Variants in SETDB1 observed in about 807,000 individuals in gnomAD.
The protein encoded by SETDB1 is histone-lysine N-methyltransferase SETDB1.
In SETDB1, 31 loss-of-function variants were observed where a neutral mutation model predicts 137.4. The ratio of observed to expected loss-of-function variants is 0.23; its 90% CI spans 0.17 to 0.30. SETDB1 has a LOEUF of 0.30. Among genes scored for constraint, SETDB1 ranks in the 10% least tolerant of loss-of-function variants. The pLI, the probability that SETDB1 is intolerant of heterozygous loss-of-function variation, is 1.00. For missense variants in SETDB1, 1,113 were observed against 1,631.5 expected (o/e 0.68, Z 5.47); for synonymous variants, 548 against 579.9 (o/e 0.95, Z 0.79).
At chr1:150,963,283 A>G (rs587775249) in intron 19 of SETDB1, 144 bp downstream of exon 19, 5 of 785,626 alleles carry the variant, frequency 6.4e-6, no homozygotes, top group Admixed American at 2.8e-5. Flanking sequence ...TCTGACTCCA[A>G]GCTAAACTAT....
At position 150,945,262 on chromosome 1, in the gene SETDB1, T is replaced by A; in HGVS notation, c.1140+154T>A. On this transcript the variant is annotated intron_variant, in intron 9 of 21. Coordinates refer to ENST00000692827, the MANE Select transcript of SETDB1 (RefSeq NM_001366418.1). ...TTTTTGGTCAAATTTTACTTTGCCC[T>A]TTTTGTTGTTCCTCTGCAGGTCATT... 3 of 1,463,192 alleles carry A rather than the reference T, an allele frequency of 2.1e-6. No individual in the cohort carries two copies. In the South Asian group the frequency reaches 4.4e-5, roughly 21 times the overall value. The allele number at this position is 1,463,192 out of a possible 1,614,324, so 90.6% of individuals were successfully genotyped here.
chr1:150,963,774 A>G, intron 20 of SETDB1, 33 bp downstream of exon 20: 3 of 1,594,472 alleles, frequency 1.9e-6, no homozygotes, highest in East Asian at 4.5e-5. Flanking sequence ...TAGATGCTGG[A>G]TTATCCCATG....
chr1:150,961,375 G>A (rs932504522), intron 16 of SETDB1, 184 bp downstream of exon 16: 12 of 633,858 alleles, frequency 1.9e-5, no homozygotes, highest in African/African-American at 1.3e-4. Context: ...ATTATTGACC[G>A]GGCACAGTGG....
chr1:150,941,710 G>A (rs1670164088), intron 5 of SETDB1, among the ~76,000 whole-genome samples: 1 of 152,120 alleles, frequency 6.6e-6, no homozygotes, highest in Non-Finnish European at 1.5e-5. Flanking sequence ...AAAGGTTTGA[G>A]GCCAGGTGTG....
In SETDB1 at chr1:150,963,741, C is replaced by T. The variant is rs140384929; in HGVS notation, c.3672C>T (p.Asn1224=). 65 of 1,613,776 alleles carry T rather than the reference C, an allele frequency of 4.0e-5. No individual in the cohort carries two copies. In the Middle Eastern group the frequency reaches 6.6e-4, roughly 16 times the overall value. The change falls in exon 20 of 22, where the codon AAC becomes AAT. Residue 1224 remains asparagine, a splice_region_variant and synonymous_variant. Coordinates refer to ENST00000692827, the MANE Select transcript of SETDB1 (RefSeq NM_001366418.1). The part of the protein sequence containing the change: ...KLEGNLGRYL[N]HSCSPNLFVQ... ...AAGGCAACCTGGGCCGCTACCTCAA[C>T]GTGAGACCCCTCTCCCCACCTCTAG...
intron 14 of SETDB1, among the ~76,000 whole-genome samples, chr1:150,958,732 A>T (rs988638601): frequency 4.6e-5 from 7 of 151,368 alleles, no homozygotes; most frequent in African/African-American, 1.2e-4. Flanking sequence ...ATTTATTTTT[A>T]TTATTATTAT....
chr1:150,943,875 A>G, intron 7 of SETDB1, 45 bp from the exon 8 acceptor site: 1 of 1,187,146 alleles, frequency 8.4e-7, no homozygotes, highest in Non-Finnish European at 1.3e-6. Flanking sequence ...ATCATGTTAA[A>G]TATCATAACC....
chr1:150,961,230 A>C, intron 16 of SETDB1, 39 bp downstream of exon 16: 1 of 1,597,086 alleles, frequency 6.3e-7, no homozygotes, highest in South Asian at 1.1e-5. Context: ...TATGGCTTTA[A>C]CTTTGGTGCA....
rs1470016425 is a variant in SETDB1 at position 150,963,941 on chromosome 1, A to C, written c.3673-54A>C. On this transcript the variant is annotated intron_variant, in intron 20 of 21. Coordinates refer to ENST00000692827, the MANE Select transcript of SETDB1 (RefSeq NM_001366418.1). Reference sequence around the variant, plus strand: ...TTCTTCCAACTCTCACTCTCCCTGCAAAGCCAGGTTCAGTTTCCCTGGTTC... The same window carrying C: ...TTCTTCCAACTCTCACTCTCCCTGCCAAGCCAGGTTCAGTTTCCCTGGTTC... 1.9e-6 allele frequency: 3 copies of C among 1,543,678 alleles called. No homozygotes were observed. The African/African-American group carries it at 4.1e-5, about 21-fold the overall frequency.
chr1:150,957,515 A>G (rs776970006), intron 14 of SETDB1, among the ~76,000 whole-genome samples: 3 of 152,184 alleles, frequency 2.0e-5, no homozygotes, highest in Non-Finnish European at 4.4e-5. Flanking sequence ...TACATTTCCA[A>G]AGTAAATTTC....
chr1:150,963,750 CCT>C lies in SETDB1; in HGVS notation c.3672+13_3672+14del, dbSNP rs1294573469. 2 of 1,611,324 alleles carry C rather than the reference CCT, an allele frequency of 1.2e-6. No homozygotes were observed. Among genetic ancestry groups the C allele is most frequent in the African/African-American group, 1.3e-5 (1 of 74,874 alleles). On this transcript the variant is annotated intron_variant, in intron 20 of 21. Transcript: ENST00000692827. ...TGGGCCGCTACCTCAACGTGAGACC[CCT>C]CTCCCCACCTCTAGATGCTGGATTA... is the stretch of plus-strand genomic sequence containing the variant.
intron 3 of SETDB1, among the ~76,000 whole-genome samples, chr1:150,935,448 GTC>G (rs1669916608): frequency 6.7e-6 from 1 of 150,128 alleles, no homozygotes; most frequent in African/African-American, 2.5e-5. Flanking sequence ...GTTCCCTTTT[GTC>G]TCTCCCTGCT....
intron 14 of SETDB1, among the ~76,000 whole-genome samples, chr1:150,956,355 C>T (rs1307734614): frequency 2.7e-5 from 4 of 148,706 alleles, no homozygotes; most frequent in Non-Finnish European, 4.4e-5. Flanking sequence ...CACTGCACTC[C>T]GGCCTAGGCA....
At chr1:150,944,180 C>G (rs1670250780) in intron 8 of SETDB1, among the ~76,000 whole-genome samples, 187 bp downstream of exon 8, 1 of 152,150 alleles carries the variant, frequency 6.6e-6, no homozygotes, top group African/African-American at 2.4e-5. Context: ...TTGTTCATCT[C>G]CAGGACTGGG....
intron 7 of SETDB1, 118 bp downstream of exon 7, chr1:150,943,171 AC>A: frequency 1.5e-6 from 1 of 679,614 alleles, no homozygotes; most frequent in Non-Finnish European, 2.6e-6. Context: ...GTGGACTGAA[AC>A]CCTTACTCTT....
intron 14 of SETDB1, among the ~76,000 whole-genome samples, chr1:150,954,000 G>T (rs1015973296): frequency 1.3e-5 from 2 of 151,810 alleles, no homozygotes; most frequent in South Asian, 4.2e-4. Context: ...GACTACAGTC[G>T]CCCACCACCA....
chr1:150,961,973 G>C, intron 16 of SETDB1, 157 bp from the exon 17 acceptor site: 1 of 809,730 alleles, frequency 1.2e-6, no homozygotes, highest in Non-Finnish European at 2.2e-6. Flanking sequence ...AGTGTAGTGA[G>C]GATTTCTGTC....
At chr1:150,935,426 T>G (rs587679346) in intron 3 of SETDB1, among the ~76,000 whole-genome samples, 1 of 148,442 alleles carries the variant, frequency 6.7e-6, no homozygotes, top group South Asian at 2.1e-4. Flanking sequence ...TTCTTCATGG[T>G]TTTTTTTTTC....
intron 4 of SETDB1, among the ~76,000 whole-genome samples, 195 bp from the exon 5 acceptor site, chr1:150,941,134 G>T (rs904486953): frequency 2.0e-5 from 3 of 152,086 alleles, no homozygotes; most frequent in African/African-American, 7.2e-5. Context: ...TTGCACTCCA[G>T]CCTGGGCAAC....
Sources: allele counts gnomAD v4.1 joint callset (sites outside exome capture counted in the v4.1 genomes callset), GRCh38; gene constraint gnomAD v4.1.1; transcripts MANE v1.5; gene names NCBI Gene and HGNC (gene_info 2026-07-23, HGNC 2026-07-21).